ZNF503: variants seen among roughly 807,000 people sequenced by gnomAD.
ZNF503 encodes the protein NocA-like zinc finger 2.
A neutral mutation model predicts 34.4 loss-of-function variants in ZNF503; 15 were observed. The observed-to-expected ratio is 0.44, with a 90% CI of 0.29 to 0.67. The LOEUF is 0.67. ZNF503 is among the 30% of genes least tolerant of loss of function. ZNF503 has a pLI of 0.13. For missense variants in ZNF503, 1,007 were observed against 926.8 expected, an observed-to-expected ratio of 1.09 and a Z score of -1.12; for synonymous variants, 580 against 456.8, an observed-to-expected ratio of 1.27 and a Z score of -3.44.
chr10:75,317,308 C>T, the ZNF503 span, among the ~76,000 whole-genome samples: 3 of 125,022 alleles, frequency 2.4e-5, no homozygotes, highest in East Asian at 2.9e-4. Flanking sequence ...GACGGAGTCT[C>T]GCTGTTTCAC....
chr10:75,401,274 G>A lies in ZNF503; in HGVS notation c.146C>T (p.Pro49Leu), dbSNP rs745483116. 10 of 1,589,032 alleles carry A rather than the reference G, an allele frequency of 6.3e-6. No individual in the cohort carries two copies. Among genetic ancestry groups the A allele is most frequent in the Non-Finnish European group, 8.6e-6 (10 of 1,169,390 alleles). Residue 49 changes from proline (P) to leucine (L), a missense_variant, in exon 1 of 2, where the codon CCG (proline) becomes CTG (leucine). Physicochemically the swap from Pro to Leu is moderately conservative, Grantham distance 98 (BLOSUM62 -3). Coordinates refer to ENST00000372524, the MANE Select transcript of ZNF503 (RefSeq NM_032772.6). ...NSSGPGPGSS[P>L]AGSTKPFVHA... is the part of the protein sequence containing the mutation. ...CACAAAAGGCTTGGTGCTGCCGGCC[G>A]GGGACGAGCCTGGGCCGGGGCCGGA...
chr10:75,287,145 T>C, the ZNF503 span, among the ~76,000 whole-genome samples: 94 of 152,276 alleles, frequency 6.2e-4, no homozygotes, highest in South Asian at 0.019. Context: ...GCCCTCTGCA[T>C]GGTCAGCTTC....
At chr10:75,381,540 G>A in the ZNF503 span, among the ~76,000 whole-genome samples, 3 of 152,120 alleles carry the variant, frequency 2.0e-5, no homozygotes, top group Non-Finnish European at 4.4e-5. Flanking sequence ...TGTTCTTAAA[G>A]GGAAGGGGTA....
chr10:75,286,307 G>A, the ZNF503 span, among the ~76,000 whole-genome samples: 1 of 150,792 alleles, frequency 6.6e-6, no homozygotes, highest in African/African-American at 2.4e-5. Flanking sequence ...AAAAGAGCCT[G>A]GAGCTAAGAA....
At chr10:75,308,195 C>CTTTTTT in the ZNF503 span, among the ~76,000 whole-genome samples, 1,365 of 133,168 alleles carry the variant, frequency 0.01, 44 homozygotes, top group African/African-American at 0.026. Context: ...GACAATACAT[C>CTTTTTT]TTTTTTTTTT....
downstream of ZNF503, among the ~76,000 whole-genome samples, chr10:75,396,634 G>A (rs1843700829): frequency 6.6e-6 from 1 of 152,206 alleles, no homozygotes; most frequent in Non-Finnish European, 1.5e-5. The surrounding 1 kb of genome is among the most constrained non-coding windows in gnomAD (Gnocchi z 4.4). Context: ...GTACCTGAGC[G>A]CCGAGGGGAT....
chr10:75,294,755 G>C, the ZNF503 span, among the ~76,000 whole-genome samples: 2 of 122,078 alleles, frequency 1.6e-5, no homozygotes, highest in African/African-American at 8.6e-5. Context: ...CGGGGAGCCC[G>C]GAGAGAAAGA....
chr10:75,306,721 T>C, the ZNF503 span, among the ~76,000 whole-genome samples: 48 of 152,358 alleles, frequency 3.2e-4, no homozygotes, highest in Non-Finnish European at 6.0e-4. Context: ...TTCGTGTCTC[T>C]GTGTCACAAT....
chr10:75,345,941 G>A, the ZNF503 span, among the ~76,000 whole-genome samples: 561 of 152,338 alleles, frequency 3.7e-3, 4 homozygotes, highest in African/African-American at 0.013. Context: ...GCACAAGAGC[G>A]TCACTTGCTG....
At chr10:75,341,184 G>C in the ZNF503 span, among the ~76,000 whole-genome samples, 1,112 of 152,290 alleles carry the variant, frequency 7.3e-3, 14 homozygotes, top group African/African-American at 0.026. Flanking sequence ...GTAGTGCTTA[G>C]AGGTAGAAAA....
the ZNF503 span, chr10:75,296,250 C>T: frequency 6.6e-6 from 1 of 152,374 alleles, no homozygotes; most frequent in African/African-American, 2.4e-5. Context: ...GTTGTCCAGC[C>T]CCTGGGAGGA....
chr10:75,304,318 C>T, the ZNF503 span, among the ~76,000 whole-genome samples: 1 of 152,172 alleles, frequency 6.6e-6, no homozygotes, highest in Non-Finnish European at 1.5e-5. Flanking sequence ...ATTAATCTTG[C>T]TAGTTACTAA....
chr10:75,387,751 A>G, the ZNF503 span, among the ~76,000 whole-genome samples: 3 of 152,154 alleles, frequency 2.0e-5, no homozygotes, highest in South Asian at 6.2e-4. Flanking sequence ...GCTGGTGTCC[A>G]ATGGGGTGAG....
At chr10:75,298,138 C>T in the ZNF503 span, among the ~76,000 whole-genome samples, 174 of 152,272 alleles carry the variant, frequency 1.1e-3, 2 homozygotes, top group Middle Eastern at 3.4e-3. Flanking sequence ...CAACCCCAGC[C>T]CCAGACTACC....
chr10:75,359,397 A>C, the ZNF503 span, among the ~76,000 whole-genome samples: 2 of 152,260 alleles, frequency 1.3e-5, no homozygotes, highest in African/African-American at 4.8e-5. Context: ...AAAGATGAGC[A>C]AGAAGCATTT....
At chr10:75,329,333 T>C in the ZNF503 span, among the ~76,000 whole-genome samples, 1 of 152,056 alleles carries the variant, frequency 6.6e-6, no homozygotes, top group South Asian at 2.1e-4. Flanking sequence ...GGTTTTTTTT[T>C]CTTTTTTCTC....
At chr10:75,303,997 C>G in the ZNF503 span, among the ~76,000 whole-genome samples, 1 of 152,066 alleles carries the variant, frequency 6.6e-6, no homozygotes, top group Non-Finnish European at 1.5e-5. Context: ...CCACACCTGG[C>G]TAATTTTTGT....
the ZNF503 span, among the ~76,000 whole-genome samples, chr10:75,342,823 G>A: frequency 6.6e-6 from 1 of 152,264 alleles, no homozygotes; most frequent in South Asian, 2.1e-4. Flanking sequence ...AGCTCCAGAA[G>A]GGCAGGCTCA....
At chr10:75,381,229 T>G in the ZNF503 span, among the ~76,000 whole-genome samples, 1 of 152,122 alleles carries the variant, frequency 6.6e-6, no homozygotes, top group Non-Finnish European at 1.5e-5. Flanking sequence ...TTTGTTTTGT[T>G]TTGTTTTGTT....
Sources: gnomAD v4.1 joint callset for allele counts (sites outside exome capture counted in the v4.1 genomes callset) on GRCh38, gnomAD v4.1.1 for gene constraint, Gnocchi (gnomAD v3.1) non-coding constraint, MANE v1.5 for transcripts, NCBI Gene and HGNC (gene_info 2026-07-23, HGNC 2026-07-21) for gene names.